SGPP2: variants seen among roughly 807,000 people sequenced by gnomAD.
SGPP2 encodes sphingosine 1-phosphate phosphohydrolase 2.
A neutral mutation model predicts 33.9 loss-of-function variants in SGPP2; 30 were observed. The observed-to-expected ratio is 0.89, with a 90% confidence interval of 0.66 to 1.20. The LOEUF is 1.20. Ranked by LOEUF, SGPP2 falls within the 50% of genes most tolerant of loss-of-function variation. The pLI is 0.00. For synonymous variants in SGPP2, 233 were observed against 225.0 expected (o/e 1.04, Z -0.32); for missense variants, 458 against 532.1 (o/e 0.86, Z 1.37).
intron 2 of SGPP2, among the ~76,000 whole-genome samples, chr2:222,484,216 T>G (rs1046489372): frequency 6.6e-6 from 1 of 152,192 alleles, no homozygotes; most frequent in Non-Finnish European, 1.5e-5. Flanking sequence ...TCTCTTTTTT[T>G]ATGATGATGA....
chr2:222,522,365 C>T (rs1203446707), intron 3 of SGPP2, among the ~76,000 whole-genome samples: 1 of 152,178 alleles, frequency 6.6e-6, no homozygotes, highest in Non-Finnish European at 1.5e-5. Flanking sequence ...TGCCAGACTC[C>T]CCAGGGCCTG....
intron 4 of SGPP2, among the ~76,000 whole-genome samples, chr2:222,526,561 C>T (rs1200089800): frequency 6.6e-6 from 1 of 152,174 alleles, no homozygotes; most frequent in African/African-American, 2.4e-5. Flanking sequence ...CTCTTGGGTT[C>T]TCTGGCATCT....
In SGPP2 at chr2:222,481,302, A is replaced by G. The variant is rs185565541; in HGVS notation, c.378+6576A>G. Among the ~76,000 whole-genome samples the G allele has an allele frequency of 1.0e-3, 159 of 152,354 alleles. 1 individual carries two copies. Among genetic ancestry groups the G allele is most frequent in the African/African-American group, 3.7e-3 (152 of 41,580 alleles). ...TCAGTTAACTTCCAGTTCATATATA[A>G]TTAGTGAAGATGAAAACATTTTTCA... On this transcript the variant is annotated intron_variant, in intron 2 of 4. Transcript: ENST00000321276.
intron 4 of SGPP2, among the ~76,000 whole-genome samples, chr2:222,542,991 A>T (rs955360708): frequency 2.0e-5 from 3 of 151,964 alleles, no homozygotes; most frequent in Admixed American, 2.0e-4. Context: ...AGGTCTCGCT[A>T]TGTCACCTAA....
At chr2:222,433,083 C>T (rs1325725952) in intron 1 of SGPP2, among the ~76,000 whole-genome samples, 7 of 45,492 alleles carry the variant, frequency 1.5e-4, no homozygotes, top group East Asian at 1.1e-3. Context: ...GGAGGGGAGA[C>T]GAGAGGAGGG....
chr2:222,512,225 A>G (rs1307547633), intron 2 of SGPP2, among the ~76,000 whole-genome samples: 1 of 150,446 alleles, frequency 6.6e-6, no homozygotes, highest in Non-Finnish European at 1.5e-5. Flanking sequence ...GTTAGCCAGG[A>G]TGGTCTCAAT....
chr2:222,467,949 T>C lies in SGPP2; in HGVS notation c.220-6619T>C, dbSNP rs1339521545. On this transcript the variant is annotated intron_variant, in intron 1 of 4. Coordinates refer to ENST00000321276, the MANE Select transcript of SGPP2 (RefSeq NM_152386.4). ...AAAATGTATATTTAAAGCTCTAATC[T>C]GAAAAAAAAAAAAAAAAAAAAAAAA... 1.2e-3 allele frequency among the ~76,000 whole-genome samples: 12 copies of C among 10,348 alleles called. 1 individual carries two copies. Among genetic ancestry groups the C allele is most frequent in the Non-Finnish European group, 3.6e-3 (12 of 3,338 alleles). 6.8% of individuals were successfully genotyped at this position (10,348 alleles called of 152,430 possible).
chr2:222,491,064 C>T (rs1025773694), intron 2 of SGPP2, among the ~76,000 whole-genome samples: 11 of 152,232 alleles, frequency 7.2e-5, no homozygotes, highest in African/African-American at 2.6e-4. Context: ...CTCATGCCAG[C>T]TTTTCACCCC....
At position 222,559,171 on chromosome 2, in the gene SGPP2, C is replaced by CAA. The variant is rs1171768999; in HGVS notation, c.*273_*274insAA. 1.4e-4 allele frequency: 14 copies of CAA among 101,404 alleles called. 1 individual carries two copies. The highest frequency in any genetic ancestry group is 4.8e-4 in the South Asian group (2 of 4,132). 6.3% of individuals were successfully genotyped at this position (101,404 alleles called of 1,614,324 possible). On this transcript the variant is annotated 3_prime_UTR_variant, in exon 5 of 5. Transcript: ENST00000321276. ...AAAGGCACACACCGCGCCCCCCCCC[C>CAA]CCCCGCCCGGCCCCTGCTCCTCTCG...
At chr2:222,449,492 C>T (rs1283068817) in intron 1 of SGPP2, among the ~76,000 whole-genome samples, 5 of 136,712 alleles carry the variant, frequency 3.7e-5, no homozygotes, top group South Asian at 2.3e-4. Flanking sequence ...TTTTTTGAGA[C>T]GGAGTCTCGC....
At chr2:222,540,870 A>G (rs1346648721) in intron 4 of SGPP2, among the ~76,000 whole-genome samples, 1 of 122,480 alleles carries the variant, frequency 8.2e-6, no homozygotes, top group Non-Finnish European at 1.6e-5. Flanking sequence ...CCCAGGCTGG[A>G]GTAGTGGCAT....
intron 1 of SGPP2, among the ~76,000 whole-genome samples, chr2:222,456,819 A>G: frequency 6.6e-6 from 1 of 152,204 alleles, no homozygotes; most frequent in East Asian, 1.9e-4. Flanking sequence ...TAATTCCCAA[A>G]GCAGAATATT....
chr2:222,428,642 T>C (rs1003296389), intron 1 of SGPP2, among the ~76,000 whole-genome samples: 10 of 152,200 alleles, frequency 6.6e-5, no homozygotes, highest in East Asian at 3.8e-4. Flanking sequence ...CTTGATTTCA[T>C]TGGTGTGCTA....
chr2:222,486,335 G>A (rs563612448), intron 2 of SGPP2, among the ~76,000 whole-genome samples: 7 of 152,096 alleles, frequency 4.6e-5, no homozygotes, highest in South Asian at 2.1e-4. Context: ...CCTTGCTTGC[G>A]TACCCTTCTT....
Position 222,521,763 on chromosome 2 carries a change from G to T in SGPP2, c.379-4G>T. On this transcript the variant is annotated splice_polypyrimidine_tract_variant and splice_region_variant and intron_variant, in intron 2 of 4. Coordinates refer to ENST00000321276, the MANE Select transcript of SGPP2 (RefSeq NM_152386.4). The stretch of plus-strand genomic sequence containing the variant: ...AGACTTACCTCAGTCCTTTGGTTTT[G>T]CAGTTGGTGATGTATATTGGCCAAG... The T allele has an allele frequency of 6.3e-7, 1 of 1,595,934 alleles. No homozygotes were observed. Among genetic ancestry groups the T allele is most frequent in the Non-Finnish European group, 8.5e-7 (1 of 1,173,480 alleles).
intron 1 of SGPP2, 140 bp downstream of exon 1, chr2:222,424,961 G>C (rs1382587785): frequency 6.0e-6 from 4 of 665,748 alleles, no homozygotes; most frequent in Non-Finnish European, 8.6e-6. Context: ...CGCTGCGAGC[G>C]GACGGGGAGG....
chr2:222,424,533 G>C, upstream of SGPP2: 1 of 1,067,550 alleles, frequency 9.4e-7, no homozygotes, highest in Non-Finnish European at 1.2e-6. Flanking sequence ...GGCGAGGCGG[G>C]AGTGGCGGTG....
chr2:222,426,233 AAG>A (rs1365130606), intron 1 of SGPP2, among the ~76,000 whole-genome samples: 22 of 150,248 alleles, frequency 1.5e-4, no homozygotes, highest in African/African-American at 2.7e-4. Context: ...AAAAAAAAAA[AAG>A]ACCAAAACAA....
chr2:222,431,570 C>T (rs944294872), intron 1 of SGPP2, among the ~76,000 whole-genome samples: 14 of 152,026 alleles, frequency 9.2e-5, no homozygotes, highest in Non-Finnish European at 1.3e-4. Context: ...TTTACAAAGA[C>T]GTGGGCAGGG....
Sources: allele counts gnomAD v4.1 joint callset (sites outside exome capture counted in the v4.1 genomes callset), GRCh38; gene constraint gnomAD v4.1.1; transcripts MANE v1.5; gene names NCBI Gene and HGNC (gene_info 2026-07-23, HGNC 2026-07-21).